Variants in PCNX2 observed in about 807,000 individuals in gnomAD.
The protein encoded by PCNX2 is pecanex-like protein 2.
In PCNX2, 168 loss-of-function variants were observed where a neutral mutation model predicts 223.8. The ratio of observed to expected loss-of-function variants is 0.75; its 90% CI spans 0.66 to 0.85. The LOEUF (loss-of-function observed/expected upper bound fraction) is 0.85. PCNX2 is among the 40% of genes least tolerant of loss of function. PCNX2 has a pLI of 0.00. For missense variants in PCNX2, 2,507 were observed against 2,675.5 expected, an observed-to-expected ratio of 0.94 and a Z score of 1.39; for synonymous variants, 1,006 against 1,052.6, an observed-to-expected ratio of 0.96 and a Z score of 0.86.
At chr1:233,245,481 C>A (rs1019983653) in intron 8 of PCNX2, among the ~76,000 whole-genome samples, 2 of 152,190 alleles carry the variant, frequency 1.3e-5, no homozygotes, top group Non-Finnish European at 2.9e-5. Context: ...CATCTGGATG[C>A]CGCACATGTG....
chr1:233,263,263 AGGC>A, intron 1 of PCNX2, 100 bp from the exon 2 acceptor site: 1 of 993,724 alleles, frequency 1.0e-6, no homozygotes, highest in Non-Finnish European at 1.4e-6. Flanking sequence ...AATATAAATT[AGGC>A]AAGATTTCAA....
intron 19 of PCNX2, among the ~76,000 whole-genome samples, chr1:233,151,564 A>T (rs1677809489): frequency 6.6e-6 from 1 of 152,210 alleles, no homozygotes; most frequent in African/African-American, 2.4e-5. Context: ...GCAATTTAAG[A>T]GAATCCTAAC....
intron 10 of PCNX2, among the ~76,000 whole-genome samples, chr1:233,220,431 A>G (rs904893058): frequency 1.3e-5 from 2 of 152,202 alleles, no homozygotes; most frequent in African/African-American, 4.8e-5. Flanking sequence ...GTTGCTCCAC[A>G]TCTTCACCAG....
intron 19 of PCNX2, among the ~76,000 whole-genome samples, chr1:233,150,828 A>G (rs573888723): frequency 5.3e-5 from 8 of 152,156 alleles, no homozygotes; most frequent in Non-Finnish European, 8.8e-5. Flanking sequence ...CGGCAGAATC[A>G]GTGTGAAATG....
At chr1:233,138,482 C>T (rs1429211464) in intron 20 of PCNX2, among the ~76,000 whole-genome samples, 1 of 152,116 alleles carries the variant, frequency 6.6e-6, no homozygotes, top group Non-Finnish European at 1.5e-5. Flanking sequence ...TATGTGTTCC[C>T]ATTCGAGAAA....
chr1:233,088,829 C>A (rs539123327), intron 23 of PCNX2, among the ~76,000 whole-genome samples: 1 of 152,328 alleles, frequency 6.6e-6, no homozygotes, highest in East Asian at 1.9e-4. Flanking sequence ...AGAGAATAAT[C>A]ATCCTAGCTC....
intron 23 of PCNX2, among the ~76,000 whole-genome samples, chr1:233,069,690 A>C (rs1672766372): frequency 6.6e-6 from 1 of 152,150 alleles, no homozygotes; most frequent in Non-Finnish European, 1.5e-5. Flanking sequence ...AATACATTGA[A>C]CTGAAAGAAA....
At chr1:233,228,981 G>A (rs1553318083) in intron 9 of PCNX2, among the ~76,000 whole-genome samples, 1 of 152,238 alleles carries the variant, frequency 6.6e-6, no homozygotes, top group East Asian at 1.9e-4. Flanking sequence ...GGATGAGTAT[G>A]GGACAAAGAG....
At chr1:233,208,474 C>T (rs779675838) in intron 13 of PCNX2, 44 bp downstream of exon 13, 3 of 1,556,896 alleles carry the variant, frequency 1.9e-6, no homozygotes, top group South Asian at 1.2e-5. Context: ...GGAGACATAC[C>T]CCCAACCCCC....
intron 19 of PCNX2, among the ~76,000 whole-genome samples, chr1:233,148,669 T>G (rs11801663): frequency 0.028 from 4,333 of 152,276 alleles, 199 homozygotes; most frequent in African/African-American, 0.097. Flanking sequence ...CCCAAAATGC[T>G]GGGATTACAG....
chr1:233,138,712 AG>A, intron 20 of PCNX2, among the ~76,000 whole-genome samples: 1 of 152,350 alleles, frequency 6.6e-6, no homozygotes, highest in East Asian at 1.9e-4. Flanking sequence ...TAGAATTTTA[AG>A]TATCAAAGAA....
intron 15 of PCNX2, among the ~76,000 whole-genome samples, chr1:233,190,371 T>C (rs1680352012): frequency 6.6e-6 from 1 of 152,194 alleles, no homozygotes; most frequent in African/African-American, 2.4e-5. Flanking sequence ...GACAATTTGC[T>C]AACCACATTC....
intron 17 of PCNX2, among the ~76,000 whole-genome samples, chr1:233,171,182 T>C (rs1450774205): frequency 1.3e-5 from 2 of 152,188 alleles, no homozygotes; most frequent in South Asian, 2.1e-4. Context: ...AAGCCAACTA[T>C]ATAGTCTTAT....
the PCNX2 span, among the ~76,000 whole-genome samples, chr1:233,314,222 A>G: frequency 6.6e-6 from 1 of 152,170 alleles, no homozygotes; most frequent in East Asian, 1.9e-4. Context: ...TATATGATAC[A>G]TATATATTTA....
At chr1:233,040,270 C>T (rs910383305) in intron 25 of PCNX2, among the ~76,000 whole-genome samples, 31 of 152,178 alleles carry the variant, frequency 2.0e-4, no homozygotes, top group African/African-American at 7.5e-4. Flanking sequence ...ACACATACCT[C>T]CATGCCTAGA....
rs536130664 is a variant in PCNX2, at chr1:233,139,974, G to A, written c.3518-119C>T. 4.0e-5 allele frequency: 50 copies of A among 1,262,540 alleles called. No individual in the cohort carries two copies. Among genetic ancestry groups the A allele is most frequent in the African/African-American group, 3.2e-4 (21 of 66,086 alleles). 78.2% of individuals were successfully genotyped at this position (1,262,540 alleles called of 1,614,324 possible). On this transcript the variant is annotated intron_variant, in intron 19 of 33. Coordinates refer to ENST00000258229, the MANE Select transcript of PCNX2 (RefSeq NM_014801.4). The surrounding 1 kb of genome is among the most constrained non-coding windows in gnomAD (Gnocchi z 4.4). ...TTCAAAAGCTGCTAATTAAGAACTC[G>A]TGATACTAGACATGATATACCATTT...
chr1:233,136,308 C>T (rs1676797816), intron 20 of PCNX2, among the ~76,000 whole-genome samples: 1 of 152,162 alleles, frequency 6.6e-6, no homozygotes, highest in South Asian at 2.1e-4. Context: ...TTGCCCTAAA[C>T]CTAGAAGAAT....
intron 8 of PCNX2, among the ~76,000 whole-genome samples, chr1:233,249,954 GA>G (rs1432508569): frequency 6.6e-6 from 1 of 152,156 alleles, no homozygotes; most frequent in Non-Finnish European, 1.5e-5. Flanking sequence ...TTTAAACTTG[GA>G]AAGACACATG....
At chr1:233,159,205 G>A (rs770449734) in intron 19 of PCNX2, among the ~76,000 whole-genome samples, 109 of 152,124 alleles carry the variant, frequency 7.2e-4, no homozygotes, top group Non-Finnish European at 2.9e-4. Context: ...CACTGAACAA[G>A]CCAGTTTTTC....
Sources: allele counts gnomAD v4.1 joint callset (sites outside exome capture counted in the v4.1 genomes callset), GRCh38; gene constraint gnomAD v4.1.1; non-coding constraint Gnocchi (gnomAD v3.1); transcripts MANE v1.5; gene names NCBI Gene and HGNC (gene_info 2026-07-23, HGNC 2026-07-21).